Variants in DCLRE1C observed in about 807,000 individuals in gnomAD.
DCLRE1C encodes DNA cross-link repair 1C, also known as protein artemis.
DCLRE1C carries 47 observed loss-of-function variants against 61.4 expected under a neutral mutation model. The observed-to-expected ratio is 0.77, with a 90% CI of 0.61 to 0.98. DCLRE1C has a LOEUF of 0.98. DCLRE1C is among the 50% of genes least tolerant of loss of function. DCLRE1C has a pLI of 0.00. For missense variants in DCLRE1C, 858 were observed against 816.0 expected (o/e 1.05, Z -0.63); for synonymous variants, 337 against 287.6 (o/e 1.17, Z -1.74).
intron 4 of DCLRE1C, among the ~76,000 whole-genome samples, chr10:14,938,549 A>C (rs1840355070): frequency 6.6e-6 from 1 of 152,186 alleles, no homozygotes; most frequent in Non-Finnish European, 1.5e-5. Context: ...CAACAAAGCC[A>C]ATATTAACCA....
intron 13 of DCLRE1C, among the ~76,000 whole-genome samples, chr10:14,917,866 C>T (rs1836462323): frequency 6.6e-6 from 1 of 152,126 alleles, no homozygotes; most frequent in South Asian, 2.1e-4. Context: ...TGAATAGACA[C>T]TTCACCAATG....
intron 3 of DCLRE1C, among the ~76,000 whole-genome samples, chr10:14,943,594 C>T (rs1206357583): frequency 1.3e-5 from 2 of 152,076 alleles, no homozygotes; most frequent in African/African-American, 4.8e-5. Context: ...GCTCTGTCAC[C>T]CAGGCTGGAG....
intron 9 of DCLRE1C, among the ~76,000 whole-genome samples, chr10:14,928,748 G>A (rs1250076243): frequency 6.6e-6 from 1 of 151,022 alleles, no homozygotes; most frequent in Non-Finnish European, 1.5e-5. Flanking sequence ...GGTGCAAAGT[G>A]TTGGCAACGC....
chr10:14,928,748 G>T (rs1250076243), intron 9 of DCLRE1C, among the ~76,000 whole-genome samples: 1 of 151,104 alleles, frequency 6.6e-6, no homozygotes, highest in East Asian at 2.0e-4. Context: ...GGTGCAAAGT[G>T]TTGGCAACGC....
At chr10:14,930,140 T>C (rs1838721572) in intron 9 of DCLRE1C, among the ~76,000 whole-genome samples, 1 of 151,950 alleles carries the variant, frequency 6.6e-6, no homozygotes, top group Non-Finnish European at 1.5e-5. Context: ...GAGACGGGGT[T>C]TCACTCTGTC....
intron 2 of DCLRE1C, 83 bp downstream of exon 2, chr10:14,948,953 C>T (rs1842074094): frequency 2.1e-6 from 2 of 955,556 alleles, no homozygotes; most frequent in East Asian, 4.9e-5. Context: ...TGACTATATG[C>T]TTGGATGTAT....
At chr10:14,930,864 A>G (rs1225877840) in intron 9 of DCLRE1C, among the ~76,000 whole-genome samples, 1 of 152,242 alleles carries the variant, frequency 6.6e-6, no homozygotes, top group Non-Finnish European at 1.5e-5. Context: ...TGAATGCAAC[A>G]TAGAATATGC....
downstream of DCLRE1C, among the ~76,000 whole-genome samples, chr10:14,900,626 C>T (rs1014918309): frequency 2.3e-4 from 35 of 152,244 alleles, no homozygotes; most frequent in African/African-American, 8.4e-4. Flanking sequence ...CTTGCATATT[C>T]CGTAAGTTTA....
intron 3 of DCLRE1C, among the ~76,000 whole-genome samples, chr10:14,943,155 T>A (rs1234205227): frequency 3.9e-5 from 6 of 152,144 alleles, no homozygotes; most frequent in Non-Finnish European, 8.8e-5. Flanking sequence ...AACAGACTCT[T>A]TGTGACACTG....
chr10:14,908,589 T>C lies in DCLRE1C; in HGVS notation c.1898A>G (p.Glu633Gly), dbSNP rs533771936. 2.4e-5 allele frequency: 38 copies of C among 1,614,184 alleles called. 1 individual carries two copies. The South Asian group carries it at 3.8e-4, about 16-fold the overall frequency. ...TLSSETHIPE[E>G]KSLLNLSTNA... ...TGTGCTAAGATTTAGCAAACTTTTT[T>C]CCTCGGGTATATGTGTCTCACTGCT... The change falls in exon 14 of 14, where the codon GAA (glutamate) becomes GGA (glycine). Residue 633 changes from glutamate (E) to glycine (G), a missense_variant. Coordinates refer to ENST00000378278, the MANE Select transcript of DCLRE1C (RefSeq NM_001033855.3).
chr10:14,904,280 G>C (rs1467398682), downstream of DCLRE1C: 3 of 143,558 alleles, frequency 2.1e-5, no homozygotes, highest in Admixed American at 7.0e-5. Context: ...ACTGCAGCCT[G>C]AGTGACACAG....
At chr10:14,916,574 C>G (rs1253185294) in intron 13 of DCLRE1C, among the ~76,000 whole-genome samples, 1 of 152,216 alleles carries the variant, frequency 6.6e-6, no homozygotes, top group Non-Finnish European at 1.5e-5. Flanking sequence ...CAAAACACTT[C>G]TGCTCCCAAG....
chr10:14,950,536 T>C (rs906175135), intron 1 of DCLRE1C, among the ~76,000 whole-genome samples: 1 of 152,102 alleles, frequency 6.6e-6, no homozygotes, highest in African/African-American at 2.4e-5. Flanking sequence ...AGCCCTTGAT[T>C]GTATATATGC....
At chr10:14,954,354 G>A, upstream of DCLRE1C, 1 of 408,760 alleles carries the variant, frequency 2.4e-6, no homozygotes, top group South Asian at 2.3e-5. Context: ...AAGGGAAATC[G>A]AAACTCCCAG....
Position 14,919,741 on chromosome 10 carries a change from A to T in DCLRE1C, c.1153T>A (p.Ser385Thr). ...AACCCAGGACCATTTTTCTTACCTG[A>T]GTCTCGGTGAACTGTTCTAGCTCTC... ...LKRARTVHRD[S>T]EEEDDYLFDD... is the part of the protein sequence containing the mutation. The change falls in exon 13 of 14, where the codon TCA (serine) becomes ACA (threonine). Residue 385 changes from serine (S) to threonine (T), a missense_variant. Around this residue, in one of 2 missense-constraint regions of DCLRE1C, gnomAD observed 843 missense variants for 783.5 expected, o/e 1.08. Coordinates refer to ENST00000378278, the MANE Select transcript of DCLRE1C (RefSeq NM_001033855.3). 1 of 1,612,418 alleles carries T rather than the reference A, an allele frequency of 6.2e-7. No individual in the cohort carries two copies. Among genetic ancestry groups the T allele is most frequent in the Non-Finnish European group, 8.5e-7 (1 of 1,178,736 alleles).
intron 6 of DCLRE1C, among the ~76,000 whole-genome samples, 187 bp downstream of exon 6, chr10:14,935,276 G>C (rs1013337123): frequency 6.6e-6 from 1 of 152,014 alleles, no homozygotes; most frequent in Non-Finnish European, 1.5e-5. Flanking sequence ...AGACCAGCCT[G>C]CCCAACATGG....
chr10:14,911,537 A>G (rs902642593), intron 13 of DCLRE1C, among the ~76,000 whole-genome samples: 3 of 152,246 alleles, frequency 2.0e-5, no homozygotes, highest in Non-Finnish European at 2.9e-5. Flanking sequence ...AAAATTATGT[A>G]ACATGGGAGT....
chr10:14,913,846 G>T (rs1017052274), intron 13 of DCLRE1C, among the ~76,000 whole-genome samples: 1 of 152,032 alleles, frequency 6.6e-6, no homozygotes, highest in Non-Finnish European at 1.5e-5. Context: ...GTACTCTTGG[G>T]GGGGTCCTGG....
chr10:14,912,374 G>C (rs1835402036), intron 13 of DCLRE1C, among the ~76,000 whole-genome samples: 1 of 151,990 alleles, frequency 6.6e-6, no homozygotes, highest in Admixed American at 6.6e-5. Context: ...AAGCTACCTA[G>C]TATGTGTTAT....
Sources: gnomAD v4.1 joint callset for allele counts (sites outside exome capture counted in the v4.1 genomes callset) on GRCh38, gnomAD v4.1.1 for gene constraint, gnomAD v4.1.1 regional missense constraint, MANE v1.5 for transcripts, NCBI Gene and HGNC (gene_info 2026-07-23, HGNC 2026-07-21) for gene names.